NUP210L: variants seen among roughly 807,000 people sequenced by gnomAD.
The protein encoded by NUP210L is nucleoporin 210 like.
Under a neutral mutation model 208.5 loss-of-function variants are expected in NUP210L, and 74 were observed. The observed-to-expected ratio is 0.35, with a 90% CI of 0.29 to 0.43. The LOEUF is 0.43. Among genes scored for constraint, NUP210L ranks in the 20% least tolerant of loss-of-function variants. The pLI is 1.00. For synonymous variants in NUP210L, 780 were observed against 816.9 expected, an observed-to-expected ratio of 0.95 and a Z score of 0.77; for missense variants, 1,843 against 2,289.4, an observed-to-expected ratio of 0.81 and a Z score of 3.98.
chr1:154,089,860 G>A (rs1184447543), intron 15 of NUP210L, among the ~76,000 whole-genome samples: 4 of 152,028 alleles, frequency 2.6e-5, no homozygotes, highest in African/African-American at 9.7e-5. Flanking sequence ...AGCACTTTGG[G>A]AGGATCACTT....
At chr1:154,004,304 C>T (rs1650382279) in intron 35 of NUP210L, among the ~76,000 whole-genome samples, 3 of 151,982 alleles carry the variant, frequency 2.0e-5, no homozygotes, top group Admixed American at 6.6e-5. Context: ...CTCCTGACCT[C>T]GTGATCCACC....
Position 154,138,162 on chromosome 1 carries a change from A to G in NUP210L, c.794T>C (p.Leu265Ser), listed in dbSNP as rs774774572. 69 of 1,540,218 alleles carry G rather than the reference A, an allele frequency of 4.5e-5. No individual in the cohort carries two copies. Among genetic ancestry groups the G allele is most frequent in the Non-Finnish European group, 5.5e-5 (64 of 1,154,848 alleles). Residue 265 changes from leucine (L) to serine (S), a missense_variant, in exon 6 of 40, where the codon TTA (leucine) becomes TCA (serine). Transcript: ENST00000368559. The stretch of plus-strand genomic sequence containing the variant: ...TTGGTATTTAATATATGTTCCTACT[A>G]AGAGATAAATATCATGGGATGGTAT...
At chr1:154,029,908 T>G in exon 28 of NUP210L, 1 of 1,606,972 alleles carries the variant, frequency 6.2e-7, no homozygotes, top group Non-Finnish European at 8.5e-7. Flanking sequence ...GGATCTGTAC[T>G]TCATCAGAGA....
At chr1:154,093,233 A>C (rs1234885406) in intron 15 of NUP210L, among the ~76,000 whole-genome samples, 1 of 152,176 alleles carries the variant, frequency 6.6e-6, no homozygotes, top group African/African-American at 2.4e-5. Flanking sequence ...GTTTGAGATC[A>C]GCCTGACCAA....
At chr1:154,068,837 AG>A (rs1654549311) in intron 17 of NUP210L, among the ~76,000 whole-genome samples, 1 of 141,978 alleles carries the variant, frequency 7.0e-6, no homozygotes, top group East Asian at 2.4e-4. Flanking sequence ...GGGTGGGGGA[AG>A]GGGGGAGGGA....
intron 27 of NUP210L, among the ~76,000 whole-genome samples, chr1:154,031,538 C>T (rs970312321): frequency 2.5e-5 from 3 of 120,094 alleles, no homozygotes; most frequent in Non-Finnish European, 3.3e-5. Context: ...CCACCCACTA[C>T]GCTTTCCAGC....
Position 154,022,037 on chromosome 1 carries a change from G to A in NUP210L, c.4516+89C>T, listed in dbSNP as rs1180250460. On this transcript the variant is annotated intron_variant, in intron 32 of 39. Transcript: ENST00000368559. ...GGTATAAACCACTATACCAGTCCAA[G>A]GGATTAATAACTGCTTTTTTTTTTA... 16 of 1,199,506 alleles carry A rather than the reference G, an allele frequency of 1.3e-5. No homozygotes were observed. In the East Asian group the frequency reaches 3.5e-4, roughly 26 times the overall value. The allele number at this position is 1,199,506 out of a possible 1,614,324, so 74.3% of individuals were successfully genotyped here.
At chr1:154,017,399 C>T (rs942932485) in intron 33 of NUP210L, among the ~76,000 whole-genome samples, 2 of 152,064 alleles carry the variant, frequency 1.3e-5, no homozygotes, top group East Asian at 3.9e-4. Flanking sequence ...TTCAGCTTAA[C>T]CCATTAATAG....
chr1:154,050,308 C>G (rs1369508053), intron 25 of NUP210L, among the ~76,000 whole-genome samples: 4 of 152,202 alleles, frequency 2.6e-5, no homozygotes, highest in Non-Finnish European at 5.9e-5. Flanking sequence ...AATCTATTTT[C>G]TATCCTTAGA....
intron 16 of NUP210L, among the ~76,000 whole-genome samples, chr1:154,082,487 T>C (rs1655390666): frequency 6.6e-6 from 1 of 152,114 alleles, no homozygotes; most frequent in Admixed American, 6.5e-5. Flanking sequence ...TGTAGATAGT[T>C]GAACAGGTGG....
rs143974186 is a variant in NUP210L at position 153,993,421 on chromosome 1, C to A, written c.5492-332G>T. Among the ~76,000 whole-genome samples, 974 of 152,134 alleles carry A rather than the reference C, an allele frequency of 6.4e-3. 12 individuals carry two copies. The highest frequency in any genetic ancestry group is 0.023 in the African/African-American group (935 of 41,516). On this transcript the variant is annotated intron_variant, in intron 38 of 39. Transcript: ENST00000368559. ...CTCTACTAAAAATATAAAAAATTAG[C>A]TGGGCGTGTTGGCGGGTGCCTGTAG...
chr1:154,154,730 C>A lies in NUP210L; in HGVS notation c.203+112G>T, dbSNP rs1659607527. The A allele has an allele frequency of 5.9e-6, 5 of 841,316 alleles. No individual in the cohort carries two copies. In the East Asian group the frequency reaches 1.0e-4, roughly 17 times the overall value. The allele number at this position is 841,316 out of a possible 1,614,324, so 52.1% of individuals were successfully genotyped here. A position where few individuals can be genotyped will look rare whatever the true frequency, so the allele number is the denominator to read the frequency against. On this transcript the variant is annotated intron_variant, in intron 1 of 39. Coordinates refer to ENST00000368559, the Ensembl canonical transcript of NUP210L. ...ACACTCTCCTCCCCTACCGGCTAGG[C>A]CCCTTCACGCGGCCCCACACGGTAT...
At chr1:154,108,239 C>T (rs1179328301) in intron 12 of NUP210L, among the ~76,000 whole-genome samples, 1 of 152,104 alleles carries the variant, frequency 6.6e-6, no homozygotes, top group African/African-American at 2.4e-5. Flanking sequence ...CTCACTGCAA[C>T]CTCGACCTCC....
chr1:154,012,260 A>C, exon 34 of NUP210L: 1 of 1,613,954 alleles, frequency 6.2e-7, no homozygotes, highest in Non-Finnish European at 8.5e-7. Flanking sequence ...GATTGACACC[A>C]TTTCTGCCAG....
chr1:154,067,748 C>T (rs1343424879), intron 17 of NUP210L, among the ~76,000 whole-genome samples: 1 of 152,182 alleles, frequency 6.6e-6, no homozygotes, highest in Non-Finnish European at 1.5e-5. Flanking sequence ...TCAGCAAAGT[C>T]TCAGGATATA....
chr1:154,130,493 G>C (rs900337309), intron 7 of NUP210L, among the ~76,000 whole-genome samples: 4 of 151,430 alleles, frequency 2.6e-5, no homozygotes, highest in Admixed American at 6.6e-5. Flanking sequence ...GGCTGGTCTC[G>C]AACTCCTGAC....
intron 33 of NUP210L, among the ~76,000 whole-genome samples, chr1:154,016,321 TGTTTGAG>T (rs2147917986): frequency 6.6e-6 from 1 of 152,078 alleles, no homozygotes; most frequent in South Asian, 2.1e-4. Flanking sequence ...GTAGCTACCA[TGTTTGAG>T]GAATGAAAAA....
chr1:154,020,455 A>G (rs530466227), intron 32 of NUP210L, among the ~76,000 whole-genome samples: 2 of 152,084 alleles, frequency 1.3e-5, no homozygotes, highest in Admixed American at 6.6e-5. Context: ...GGCTCATGCA[A>G]TCTTCCCACC....
At chr1:154,067,953 A>C (rs1174366805) in intron 17 of NUP210L, among the ~76,000 whole-genome samples, 4 of 152,218 alleles carry the variant, frequency 2.6e-5, no homozygotes, top group Non-Finnish European at 5.9e-5. Flanking sequence ...AGAGGACACA[A>C]ACAAATGGAA....
Sources: gnomAD v4.1 joint callset for allele counts (sites outside exome capture counted in the v4.1 genomes callset) on GRCh38, gnomAD v4.1.1 for gene constraint, MANE v1.5 for transcripts, NCBI Gene and HGNC (gene_info 2026-07-23, HGNC 2026-07-21) for gene names.